Variants in SLC14A2 observed in about 807,000 individuals in gnomAD.
SLC14A2 encodes the protein urea transporter 2.
SLC14A2 carries 91 observed loss-of-function variants against 104.6 expected under a neutral mutation model. The observed-to-expected ratio is 0.87, with a 90% confidence interval of 0.73 to 1.04. SLC14A2 has a LOEUF of 1.04. Among genes scored for constraint, SLC14A2 ranks in the 50% least tolerant of loss-of-function variants. The pLI is 0.00. For missense variants in SLC14A2, 1,189 were observed against 1,156.0 expected (o/e 1.03, Z -0.41); for synonymous variants, 476 against 466.4 (o/e 1.02, Z -0.27).
chr18:45,543,268 C>T (rs547394457), intron 2 of SLC14A2, among the ~76,000 whole-genome samples: 5 of 152,108 alleles, frequency 3.3e-5, no homozygotes, highest in Admixed American at 2.6e-4. Context: ...AATTGACTCA[C>T]ATTTTTTAAA....
At chr18:45,591,773 G>A (rs916119332) in intron 2 of SLC14A2, among the ~76,000 whole-genome samples, 3 of 152,190 alleles carry the variant, frequency 2.0e-5, no homozygotes, top group East Asian at 1.9e-4. Flanking sequence ...AGAGTTGTGG[G>A]TACATGAAAT....
intron 1 of SLC14A2, among the ~76,000 whole-genome samples, chr18:45,473,195 G>A (rs1444506012): frequency 6.6e-6 from 1 of 152,130 alleles, no homozygotes; most frequent in East Asian, 1.9e-4. Flanking sequence ...GTAGATGTGT[G>A]GCATTACTCC....
At chr18:45,210,011 G>A (rs2143964035), upstream of SLC14A2, among the ~76,000 whole-genome samples, 1 of 152,312 alleles carries the variant, frequency 6.6e-6, no homozygotes, top group South Asian at 2.1e-4. Flanking sequence ...GATAGCATCA[G>A]AAGTGTTCCT....
At chr18:45,203,663 C>A in the SLC14A2 span, among the ~76,000 whole-genome samples, 1 of 152,154 alleles carries the variant, frequency 6.6e-6, no homozygotes, top group Non-Finnish European at 1.5e-5. Flanking sequence ...AGAAATACAG[C>A]TGTGATTTCA....
intron 1 of SLC14A2, among the ~76,000 whole-genome samples, chr18:45,358,786 T>C (rs2085580925): frequency 6.6e-6 from 1 of 152,158 alleles, no homozygotes; most frequent in African/African-American, 2.4e-5. Flanking sequence ...CTTGCTATGT[T>C]GCTGGTCTCG....
intron 1 of SLC14A2, among the ~76,000 whole-genome samples, chr18:45,316,269 G>C (rs1182841360): frequency 6.6e-6 from 1 of 152,178 alleles, no homozygotes; most frequent in Non-Finnish European, 1.5e-5. Flanking sequence ...GCCCTAGGAA[G>C]GACCCAAGGT....
chr18:45,356,909 G>A (rs1246001779), intron 1 of SLC14A2, among the ~76,000 whole-genome samples: 2 of 152,196 alleles, frequency 1.3e-5, no homozygotes, highest in African/African-American at 4.8e-5. Flanking sequence ...AGAATCAAGA[G>A]CCTGGGAACC....
At position 45,666,177 on chromosome 18, in the gene SLC14A2, C is replaced by T. The variant is rs755606365; in HGVS notation, c.1515C>T (p.Asp505=). Residue 505 remains aspartate, a synonymous_variant, in exon 12 of 20, where the codon GAC becomes GAT. Transcript: ENST00000255226. The stretch of plus-strand genomic sequence containing the variant: ...AACACCAGGAAAGACAAAACAAAGA[C>T]CCATTTCCCTATCGATACCGGAAGC... ...KGEHQERQNK[D]PFPYRYRKPT... is the part of the protein sequence containing the mutation. 3.7e-6 allele frequency: 6 copies of T among 1,613,862 alleles called. No individual in the cohort carries two copies. Among genetic ancestry groups the T allele is most frequent in the Non-Finnish European group, 5.1e-6 (6 of 1,179,884 alleles).
At chr18:45,587,613 G>A (rs2044586413) in intron 2 of SLC14A2, among the ~76,000 whole-genome samples, 1 of 152,120 alleles carries the variant, frequency 6.6e-6, no homozygotes, top group South Asian at 2.1e-4. Flanking sequence ...TTCAAGGCAC[G>A]AGTTGGCATC....
At chr18:45,380,261 T>G (rs1285962122) in intron 1 of SLC14A2, among the ~76,000 whole-genome samples, 4 of 152,120 alleles carry the variant, frequency 2.6e-5, no homozygotes, top group African/African-American at 9.7e-5. Flanking sequence ...GTTAACCTTA[T>G]GGAAATTGTC....
intron 1 of SLC14A2, among the ~76,000 whole-genome samples, chr18:45,433,427 A>T (rs749307147): frequency 1.6e-4 from 24 of 152,196 alleles, no homozygotes; most frequent in Non-Finnish European, 2.6e-4. Context: ...CCTTAGTCAT[A>T]CGTGAGAGGT....
At chr18:45,656,046 C>T (rs1175540744) in intron 10 of SLC14A2, among the ~76,000 whole-genome samples, 1 of 152,188 alleles carries the variant, frequency 6.6e-6, no homozygotes, top group African/African-American at 2.4e-5. Flanking sequence ...CTTGGTTACA[C>T]GGAATTGCTA....
chr18:45,236,990 G>T (rs1001954707), intron 1 of SLC14A2, among the ~76,000 whole-genome samples: 1 of 152,166 alleles, frequency 6.6e-6, no homozygotes, highest in African/African-American at 2.4e-5. Flanking sequence ...AACTTGTGCT[G>T]CTAGGCATAT....
At chr18:45,492,852 C>T (rs1180719463) in intron 2 of SLC14A2, among the ~76,000 whole-genome samples, 1 of 152,220 alleles carries the variant, frequency 6.6e-6, no homozygotes, top group Non-Finnish European at 1.5e-5. Flanking sequence ...TAGAGCCAAT[C>T]ATCTTTTCTC....
At chr18:45,348,618 A>G (rs2085472411) in intron 1 of SLC14A2, among the ~76,000 whole-genome samples, 1 of 152,230 alleles carries the variant, frequency 6.6e-6, no homozygotes, top group South Asian at 2.1e-4. Flanking sequence ...TATTTAACAG[A>G]TGAATGTTGG....
chr18:45,245,720 T>C (rs2084362038), intron 1 of SLC14A2, among the ~76,000 whole-genome samples: 1 of 152,184 alleles, frequency 6.6e-6, no homozygotes, highest in African/African-American at 2.4e-5. Flanking sequence ...AAGAGATCAT[T>C]TCCACACAAT....
intron 1 of SLC14A2, among the ~76,000 whole-genome samples, chr18:45,338,326 G>A (rs538769738): frequency 1.2e-4 from 18 of 151,818 alleles, no homozygotes; most frequent in Admixed American, 6.6e-4. Context: ...TCAGCCTCCC[G>A]ATTAGCTGGG....
At chr18:45,626,854 C>A in intron 3 of SLC14A2, 104 bp from the exon 4 acceptor site, 3 of 585,382 alleles carry the variant, frequency 5.1e-6, no homozygotes, top group Non-Finnish European at 8.6e-6. Context: ...TGGGAAGGGT[C>A]CTGGCTTGCA....
chr18:45,495,940 A>G (rs1489928417), intron 2 of SLC14A2, among the ~76,000 whole-genome samples: 1 of 152,224 alleles, frequency 6.6e-6, no homozygotes, highest in Non-Finnish European at 1.5e-5. Flanking sequence ...GAAAGTTTGA[A>G]GACCACCCAA....
Sources: gnomAD v4.1 joint callset for allele counts (sites outside exome capture counted in the v4.1 genomes callset) on GRCh38, gnomAD v4.1.1 for gene constraint, MANE v1.5 for transcripts, NCBI Gene and HGNC (gene_info 2026-07-23, HGNC 2026-07-21) for gene names.